EIF2AK3: variants seen among roughly 807,000 people sequenced by gnomAD.
EIF2AK3 encodes the protein eukaryotic translation initiation factor 2-alpha kinase 3.
Under a neutral mutation model 113.5 loss-of-function variants are expected in EIF2AK3, and 50 were observed. The observed-to-expected ratio is 0.44, with a 90% CI of 0.35 to 0.56. The LOEUF is 0.56. Among genes scored for constraint, EIF2AK3 ranks in the 20% least tolerant of loss-of-function variants. EIF2AK3 has a pLI of 0.00. For synonymous variants in EIF2AK3, 448 were observed against 495.4 expected (o/e 0.90, Z 1.27); for missense variants, 1,185 against 1,378.0 (o/e 0.86, Z 2.22).
In EIF2AK3 at chr2:88,588,027, C is replaced by T; in HGVS notation, c.1384G>A (p.Glu462Lys). ...KCLSNDKFSH[E>K]EYSNGALSIL... ...GAAAGTGCACCATTACTATATTCTT[C>T]ATGAGAAAACTTATCATTACTGAGA... The change falls in exon 8 of 17, where the codon GAA becomes AAA. Residue 462 changes from glutamate to lysine, a missense_variant. Transcript: ENST00000303236. The T allele has an allele frequency of 6.3e-7, 1 of 1,588,696 alleles. No individual in the cohort carries two copies. Among genetic ancestry groups the T allele is most frequent in the Admixed American group, 1.7e-5 (1 of 59,622 alleles).
intron 14 of EIF2AK3, among the ~76,000 whole-genome samples, chr2:88,568,504 C>A (rs1254292804): frequency 6.6e-6 from 1 of 152,142 alleles, no homozygotes; most frequent in East Asian, 1.9e-4. Context: ...TAAATCTCAA[C>A]CTTTAAATAT....
chr2:88,571,552 GCCCAAGGTTA>G (rs1238483223), intron 13 of EIF2AK3, among the ~76,000 whole-genome samples: 1 of 152,138 alleles, frequency 6.6e-6, no homozygotes, highest in Non-Finnish European at 1.5e-5. Context: ...TAAACAAATT[GCCCAAGGTTA>G]CCCAACTAGC....
intron 2 of EIF2AK3, among the ~76,000 whole-genome samples, chr2:88,602,959 T>TA (rs1019405005): frequency 1.0e-4 from 15 of 146,100 alleles, no homozygotes; most frequent in Admixed American, 1.4e-4. Context: ...GAACTTAAAG[T>TA]AAAAAAAAAA....
rs1673789571 is a variant in EIF2AK3 at position 88,556,805 on chromosome 2, AGT to A, written c.*929_*930del. The A allele has an allele frequency of 6.6e-6, 1 of 152,256 alleles. No individual in the cohort carries two copies. The highest frequency in any genetic ancestry group is 1.5e-5 in the Non-Finnish European group (1 of 68,042). The allele number at this position is 152,256 out of a possible 1,614,324, so 9.4% of individuals were successfully genotyped here. ...AAGAAGTCACAAGTTAACACACTTA[AGT>A]GTGTTCTGTACACCACCAACCCAAA... On this transcript the variant is annotated 3_prime_UTR_variant, in exon 17 of 17. Transcript: ENST00000303236.
intron 5 of EIF2AK3, 91 bp downstream of exon 5, chr2:88,590,727 A>C: frequency 6.4e-7 from 1 of 1,564,778 alleles, no homozygotes; most frequent in Non-Finnish European, 8.8e-7. Flanking sequence ...GAGAGCCCCA[A>C]GTAGTAGTAA....
rs1674629715 is a variant in EIF2AK3, at chr2:88,582,674, T to G, written c.1763+756A>C. Among the ~76,000 whole-genome samples, 4 of 152,310 alleles carry G rather than the reference T, an allele frequency of 2.6e-5. No homozygotes were observed. In the South Asian group the frequency reaches 8.3e-4, roughly 32 times the overall value. ...TATGTATAAGATATATATGCACATC[T>G]TGTCATTTCTGTTTCCTTGGAGGGC... On this transcript the variant is annotated intron_variant, in intron 10 of 16. Coordinates refer to ENST00000303236, the MANE Select transcript of EIF2AK3 (RefSeq NM_004836.7).
intron 8 of EIF2AK3, 29 bp downstream of exon 8, chr2:88,587,953 A>C: frequency 6.9e-7 from 1 of 1,447,230 alleles, no homozygotes. Flanking sequence ...TAAAAAATAA[A>C]ATAAATAAAA....
rs1675881879 is a variant in EIF2AK3, at chr2:88,627,028, C to T, written c.247G>A (p.Gly83Arg). Reference sequence around the variant, plus strand: ...TCCGGACCCCGAGGCTCCTGCTCTCCCGCGGCTGCCGGCAGCGCCTCAGCG... The same window carrying T: ...TCCGGACCCCGAGGCTCCTGCTCTCTCGCGGCTGCCGGCAGCGCCTCAGCG... ...EDAEALPAAA[G>R]EQEPRGPEPD... Residue 83 changes from glycine to arginine, a missense_variant, in exon 1 of 17, where the codon GGA (glycine) becomes AGA (arginine). By Grantham distance (125) the Gly-to-Arg change is moderately radical (BLOSUM62 -2). This residue lies in a region of EIF2AK3 where 189 missense variants were observed against 175.2 expected (regional missense o/e 1.08). Coordinates refer to ENST00000303236, the MANE Select transcript of EIF2AK3 (RefSeq NM_004836.7). The T allele has an allele frequency of 1.7e-5, 28 of 1,604,116 alleles. No homozygotes were observed. The highest frequency in any genetic ancestry group is 2.1e-5 in the Non-Finnish European group (25 of 1,178,478).
chr2:88,562,333 A>G lies in EIF2AK3; in HGVS notation c.3043T>C (p.Phe1015Leu). ...GTGCTGAATGGATACAGCAATTCAA[A>G]TAGAATCAGGCCTAAAGAAAAGATG... ...VDIFSLGLILFELLYPFSTQM... is the reference protein window; with the variant it reads ...VDIFSLGLILLELLYPFSTQM... The change falls in exon 15 of 17, where the codon TTT (phenylalanine) becomes CTT (leucine). Residue 1015 changes from phenylalanine to leucine, a missense_variant. Coordinates refer to ENST00000303236, the MANE Select transcript of EIF2AK3 (RefSeq NM_004836.7). 6.2e-7 allele frequency: 1 copy of G among 1,614,138 alleles called. No homozygotes were observed. The highest frequency in any genetic ancestry group is 8.5e-7 in the Non-Finnish European group (1 of 1,179,990).
chr2:88,601,582 T>C (rs946818741), intron 2 of EIF2AK3, among the ~76,000 whole-genome samples: 5 of 152,194 alleles, frequency 3.3e-5, no homozygotes, highest in African/African-American at 7.2e-5. Context: ...CATCTGGCCC[T>C]TTACAGGAAA....
At chr2:88,612,386 GAAGAAA>G (rs1253643393) in intron 2 of EIF2AK3, among the ~76,000 whole-genome samples, 1 of 152,054 alleles carries the variant, frequency 6.6e-6, no homozygotes, top group Non-Finnish European at 1.5e-5. Context: ...AATCCCAGCA[GAAGAAA>G]AATAAACAAG....
At chr2:88,593,165 T>C in intron 4 of EIF2AK3, 107 bp downstream of exon 4, 1 of 1,377,160 alleles carries the variant, frequency 7.3e-7, no homozygotes, top group South Asian at 1.2e-5. Context: ...TATATATGCT[T>C]TTAAGGCAAC....
intron 2 of EIF2AK3, among the ~76,000 whole-genome samples, chr2:88,596,102 T>C (rs1675013513): frequency 1.3e-5 from 2 of 152,222 alleles, no homozygotes; most frequent in African/African-American, 4.8e-5. Context: ...AAATAGATAA[T>C]ATATGCAGTA....
At chr2:88,590,712 A>G in intron 5 of EIF2AK3, 106 bp downstream of exon 5, 1 of 1,567,338 alleles carries the variant, frequency 6.4e-7, no homozygotes, top group Non-Finnish European at 8.8e-7. Flanking sequence ...CACAGAGAAC[A>G]AGCTGAGAGC....
At chr2:88,570,348 T>A (rs1165321830) in intron 14 of EIF2AK3, among the ~76,000 whole-genome samples, 1 of 152,212 alleles carries the variant, frequency 6.6e-6, no homozygotes, top group Non-Finnish European at 1.5e-5. Flanking sequence ...GCTTCCAGGA[T>A]GCCCTGCTCC....
intron 2 of EIF2AK3, among the ~76,000 whole-genome samples, chr2:88,608,700 CTTTTTTT>C (rs1176748814): frequency 1.2e-3 from 74 of 62,004 alleles, no homozygotes; most frequent in Middle Eastern, 0.01. Context: ...TTTTTGATTT[CTTTTTTT>C]TTTTTTTTTT....
chr2:88,604,160 C>G (rs1263381703), intron 2 of EIF2AK3, among the ~76,000 whole-genome samples: 1 of 152,074 alleles, frequency 6.6e-6, no homozygotes, highest in Non-Finnish European at 1.5e-5. Flanking sequence ...TGATCTCTTC[C>G]ACTTAAACCT....
intron 3 of EIF2AK3, chr2:88,593,912 C>T (rs1391313830): frequency 1.0e-6 from 1 of 995,838 alleles, no homozygotes; most frequent in Non-Finnish European, 1.2e-6. Context: ...GAAAAGCATA[C>T]CTTCTACAAT....
intron 13 of EIF2AK3, among the ~76,000 whole-genome samples, chr2:88,573,793 T>G (rs1674379458): frequency 6.6e-6 from 1 of 152,190 alleles, no homozygotes; most frequent in African/African-American, 2.4e-5. Context: ...CTTTTGTGCC[T>G]GAAACAAGTC....
Sources: allele counts gnomAD v4.1 joint callset (sites outside exome capture counted in the v4.1 genomes callset), GRCh38; gene constraint gnomAD v4.1.1; regional missense constraint gnomAD v4.1.1; transcripts MANE v1.5; gene names NCBI Gene and HGNC (gene_info 2026-07-23, HGNC 2026-07-21).